Variants in FOXJ3 observed in about 807,000 individuals in gnomAD.
The protein encoded by FOXJ3 is forkhead box protein J3.
In FOXJ3, 22 loss-of-function variants were observed where a neutral mutation model predicts 76.1. The ratio of observed to expected loss-of-function variants is 0.29; its 90% CI spans 0.21 to 0.41. The LOEUF (loss-of-function observed/expected upper bound fraction) is 0.41, where lower values mean the gene tolerates loss of function less well. Ranked by LOEUF, FOXJ3 falls within the 10% of genes least tolerant of loss-of-function variation. FOXJ3 has a pLI of 1.00. For missense variants in FOXJ3, 613 were observed against 762.1 expected (o/e 0.80, Z 2.30); for synonymous variants, 269 against 261.2 (o/e 1.03, Z -0.29).
At chr1:42,266,269 A>T (rs927146277) in intron 3 of FOXJ3, among the ~76,000 whole-genome samples, 2 of 152,158 alleles carry the variant, frequency 1.3e-5, no homozygotes, top group Non-Finnish European at 2.9e-5. Flanking sequence ...ACCATCTATT[A>T]CCAAAGCAGA....
intron 2 of FOXJ3, 36 bp from the exon 3 acceptor site, chr1:42,278,708 A>G (rs1416575546): frequency 1.4e-6 from 2 of 1,415,572 alleles, no homozygotes; most frequent in African/African-American, 2.9e-5. Flanking sequence ...AATATCAAGG[A>G]AAGAACCCCT....
intron 2 of FOXJ3, among the ~76,000 whole-genome samples, chr1:42,299,444 A>G (rs764855861): frequency 1.0e-4 from 15 of 146,012 alleles, no homozygotes; most frequent in Non-Finnish European, 2.1e-4. Context: ...TTTGTTTTCC[A>G]TTTGCATGAT....
intron 4 of FOXJ3, among the ~76,000 whole-genome samples, chr1:42,260,234 CAT>C (rs1296970834): frequency 2.0e-5 from 3 of 152,056 alleles, no homozygotes; most frequent in African/African-American, 7.2e-5. Context: ...AGTTTTTCTA[CAT>C]ATTTTTTAAA....
chr1:42,300,738 CT>C (rs1275437290), intron 2 of FOXJ3, among the ~76,000 whole-genome samples: 1 of 152,184 alleles, frequency 6.6e-6, no homozygotes, highest in Non-Finnish European at 1.5e-5. Flanking sequence ...GATCACGCCA[CT>C]GTACTCCAGG....
intron 1 of FOXJ3, among the ~76,000 whole-genome samples, chr1:42,319,360 C>T (rs1415739922): frequency 1.3e-5 from 2 of 152,040 alleles, no homozygotes; most frequent in African/African-American, 4.8e-5. Context: ...CATGTATAAC[C>T]CTTAACAACA....
Position 42,191,050 on chromosome 1 carries a change from G to GTAAGATAATTATAATT in FOXJ3, c.1351+252_1351+253insAATTATAATTATCTTA, listed in dbSNP as rs145400915. Among the ~76,000 whole-genome samples, 803 of 152,106 alleles carry GTAAGATAATTATAATT rather than the reference G, an allele frequency of 5.3e-3. 7 individuals carry two copies. Among genetic ancestry groups the GTAAGATAATTATAATT allele is most frequent in the Middle Eastern group, 0.014 (4 of 294 alleles). ...ATTTGGCAGGATAATGTAAGATAATGTATCTAAATTATAAACAAGAGTTAA... is the reference window on the plus strand; with the variant it reads ...ATTTGGCAGGATAATGTAAGATAATGTAAGATAATTATAATTTATCTAAATTATAAACAAGAGTTAA... On this transcript the variant is annotated intron_variant, in intron 9 of 12. Transcript: ENST00000361346.
At chr1:42,296,012 GT>G (rs1653765907) in intron 2 of FOXJ3, among the ~76,000 whole-genome samples, 1 of 152,130 alleles carries the variant, frequency 6.6e-6, no homozygotes. Context: ...ACCAACATCT[GT>G]TATTTTTTGG....
At chr1:42,321,736 A>T (rs1357602322) in intron 1 of FOXJ3, among the ~76,000 whole-genome samples, 1 of 152,178 alleles carries the variant, frequency 6.6e-6, no homozygotes, top group African/African-American at 2.4e-5. Context: ...TTTGGATAAC[A>T]GTGGGAGCCA....
At chr1:42,199,263 A>G (rs764982923) in intron 6 of FOXJ3, 33 bp from the exon 7 acceptor site, 3 of 1,583,614 alleles carry the variant, frequency 1.9e-6, no homozygotes, top group South Asian at 2.2e-5. Flanking sequence ...ACAATTGAAT[A>G]TAAGGGTACT....
At chr1:42,282,880 T>A (rs1030904644) in intron 2 of FOXJ3, among the ~76,000 whole-genome samples, 1 of 152,078 alleles carries the variant, frequency 6.6e-6, no homozygotes, top group Non-Finnish European at 1.5e-5. Flanking sequence ...TATCTACCTC[T>A]CCCCCAGGAG....
intron 5 of FOXJ3, among the ~76,000 whole-genome samples, chr1:42,222,312 T>C (rs923616971): frequency 4.6e-5 from 7 of 151,974 alleles, no homozygotes; most frequent in African/African-American, 1.7e-4. Context: ...CCCTGATTAT[T>C]AGATTGTTAT....
intron 12 of FOXJ3, among the ~76,000 whole-genome samples, chr1:42,181,291 A>G (rs1646312411): frequency 6.6e-6 from 1 of 152,152 alleles, no homozygotes; most frequent in Non-Finnish European, 1.5e-5. Context: ...AGCTCTAACA[A>G]TGTGCCGTAT....
intron 4 of FOXJ3, among the ~76,000 whole-genome samples, chr1:42,235,665 C>G (rs577262251): frequency 1.4e-4 from 22 of 152,168 alleles, no homozygotes; most frequent in Admixed American, 3.9e-4. Context: ...TGGGGTCAAG[C>G]AAGTCTCCTG....
intron 4 of FOXJ3, among the ~76,000 whole-genome samples, chr1:42,255,997 G>A (rs1317477324): frequency 6.6e-6 from 1 of 152,228 alleles, no homozygotes; most frequent in Non-Finnish European, 1.5e-5. Context: ...ATTCCAGCCT[G>A]AGCAACAGAG....
chr1:42,269,269 A>G lies in FOXJ3; in HGVS notation c.370-4080T>C, dbSNP rs530761735. Among the ~76,000 whole-genome samples the G allele has an allele frequency of 3.9e-5, 6 of 152,304 alleles. No homozygotes were observed. The East Asian group carries it at 1.2e-3, about 29-fold the overall frequency. Reference sequence around the variant, plus strand: ...GAAAAAAGAAAGAGGCATCAGACAAACTAGTTCACCTACCCAGCTTAAAAG... The same window carrying G: ...GAAAAAAGAAAGAGGCATCAGACAAGCTAGTTCACCTACCCAGCTTAAAAG... On this transcript the variant is annotated intron_variant, in intron 3 of 12. Transcript: ENST00000361346.
At chr1:42,190,434 G>A (rs191101017) in intron 9 of FOXJ3, among the ~76,000 whole-genome samples, 135 of 152,270 alleles carry the variant, frequency 8.9e-4, no homozygotes, top group Admixed American at 3.1e-3. Flanking sequence ...GAAGCAAGTC[G>A]TAACTTAGGA....
At chr1:42,252,232 G>C (rs907827773) in intron 4 of FOXJ3, among the ~76,000 whole-genome samples, 8 of 152,156 alleles carry the variant, frequency 5.3e-5, no homozygotes, top group Admixed American at 2.0e-4. Context: ...GGTAGAATTT[G>C]GCTGTGAATC....
At chr1:42,246,315 TACATGCACATAC>T (rs1448881717) in intron 4 of FOXJ3, among the ~76,000 whole-genome samples, 4 of 151,932 alleles carry the variant, frequency 2.6e-5, no homozygotes, top group African/African-American at 4.8e-5. Context: ...AATAATTATT[TACATGCACATAC>T]ACATACACAC....
chr1:42,301,497 C>T lies in FOXJ3; in HGVS notation c.44+9553G>A, dbSNP rs114403526. Among the ~76,000 whole-genome samples the T allele has an allele frequency of 4.6e-3, 699 of 152,262 alleles. 6 individuals are homozygous for T. Among genetic ancestry groups the T allele is most frequent in the African/African-American group, 0.016 (663 of 41,550 alleles). On this transcript the variant is annotated intron_variant, in intron 2 of 12. Transcript: ENST00000361346. ...GGATTACAGGCATGAGGTACCACAC[C>T]GGACTTCGTTCACTTATTTTACTTC...
Sources: gnomAD v4.1 joint callset for allele counts (sites outside exome capture counted in the v4.1 genomes callset) on GRCh38, gnomAD v4.1.1 for gene constraint, MANE v1.5 for transcripts, NCBI Gene and HGNC (gene_info 2026-07-23, HGNC 2026-07-21) for gene names.